The following COBLL1 variants were observed in gnomAD, a reference collection of about 807,000 sequenced individuals.
The protein encoded by COBLL1 is cordon-bleu protein-like 1.
A neutral mutation model predicts 94.8 loss-of-function variants in COBLL1; 50 were observed. The ratio of observed to expected loss-of-function variants is 0.53; its 90% CI spans 0.42 to 0.67. The LOEUF (loss-of-function observed/expected upper bound fraction) is 0.67. COBLL1 is among the 30% of genes least tolerant of loss of function. The pLI is 0.00. For synonymous variants in COBLL1, 448 were observed against 473.8 expected (o/e 0.95, Z 0.71); for missense variants, 1,362 against 1,348.7 (o/e 1.01, Z -0.15).
At chr2:164,765,428 G>A (rs1687882767) in intron 2 of COBLL1, among the ~76,000 whole-genome samples, 2 of 152,156 alleles carry the variant, frequency 1.3e-5, no homozygotes, top group Admixed American at 1.3e-4. Flanking sequence ...AACCCATATA[G>A]AATGAGAGAC....
chr2:164,671,497 A>G (rs1465283956), intron 1 of COBLL1, among the ~76,000 whole-genome samples: 1 of 152,160 alleles, frequency 6.6e-6, no homozygotes, highest in African/African-American at 2.4e-5. Flanking sequence ...TCCACAACAG[A>G]CTTGCTAATT....
intron 2 of COBLL1, chr2:164,837,483 C>A: frequency 2.2e-6 from 1 of 464,456 alleles, no homozygotes; most frequent in South Asian, 1.6e-5. Flanking sequence ...ACCAGTGTCT[C>A]CAACATTTTT....
intron 2 of COBLL1, among the ~76,000 whole-genome samples, chr2:164,768,415 G>A (rs1027962751): frequency 7.1e-6 from 1 of 140,454 alleles, no homozygotes; most frequent in Non-Finnish European, 1.5e-5. Flanking sequence ...AACATTATGA[G>A]ATTTTTTTTT....
At chr2:164,714,154 A>AACACAC (rs10563101) in intron 7 of COBLL1, among the ~76,000 whole-genome samples, 5,252 of 148,442 alleles carry the variant, frequency 0.035, 306 homozygotes, top group African/African-American at 0.12. Flanking sequence ...AATAGAAAGA[A>AACACAC]ACACACACAC....
At chr2:164,755,625 T>C (rs1687360355) in intron 2 of COBLL1, among the ~76,000 whole-genome samples, 1 of 152,166 alleles carries the variant, frequency 6.6e-6, no homozygotes. Context: ...TTTATTGTAA[T>C]TTAGTTGTCA....
At chr2:164,659,475 C>A (rs1208398212) in intron 2 of COBLL1, among the ~76,000 whole-genome samples, 2 of 152,204 alleles carry the variant, frequency 1.3e-5, no homozygotes, top group African/African-American at 4.8e-5. Context: ...AGTCGCAGCA[C>A]TGGCCCTTCA....
intron 2 of COBLL1, among the ~76,000 whole-genome samples, chr2:164,796,965 A>C (rs1683494578): frequency 6.6e-6 from 1 of 152,114 alleles, no homozygotes; most frequent in Non-Finnish European, 1.5e-5. Context: ...ACAGAACGAG[A>C]CCCTACCTCT....
chr2:164,675,002 A>G (rs1368689113), intron 1 of COBLL1, among the ~76,000 whole-genome samples: 4 of 152,114 alleles, frequency 2.6e-5, no homozygotes, highest in Admixed American at 1.3e-4. Flanking sequence ...TTTTATTCTT[A>G]TTTCTTTATG....
Position 164,801,476 on chromosome 2 carries a change from C to T in COBLL1, c.41+39680G>A, listed in dbSNP as rs566441650. ...AAAAAAAAAAAAAAAAAAAGCTTAG[C>T]TAAGTGTGGTGGCAACACACCTGTA... is the stretch of plus-strand genomic sequence containing the variant. On this transcript the variant is annotated intron_variant, in intron 2 of 13. Coordinates refer to ENST00000652658, the MANE Select transcript of COBLL1 (RefSeq NM_001365672.2). 1.0e-4 allele frequency among the ~76,000 whole-genome samples: 12 copies of T among 119,708 alleles called. No individual in the cohort carries two copies. The South Asian group carries it at 3.0e-3, about 30-fold the overall frequency. The allele number at this position is 119,708 out of a possible 152,430, so 78.5% of individuals were successfully genotyped here.
intron 2 of COBLL1, among the ~76,000 whole-genome samples, chr2:164,801,422 G>A (rs1168992193): frequency 8.7e-6 from 1 of 115,216 alleles, no homozygotes; most frequent in Admixed American, 1.2e-4. Flanking sequence ...CTGGGCGACA[G>A]AGCGAGACTC....
At chr2:164,770,018 G>C (rs1688131666) in intron 2 of COBLL1, among the ~76,000 whole-genome samples, 3 of 152,074 alleles carry the variant, frequency 2.0e-5, no homozygotes, top group Admixed American at 2.0e-4. Flanking sequence ...AATTTACTAA[G>C]GTACAATGTG....
chr2:164,668,573 G>A (rs767388354), intron 1 of COBLL1, among the ~76,000 whole-genome samples: 38 of 152,134 alleles, frequency 2.5e-4, no homozygotes, highest in Non-Finnish European at 5.3e-4. Flanking sequence ...TGGAAAAATC[G>A]CACTAATCAA....
At chr2:164,828,823 GTAATA>G (rs1682913601) in intron 2 of COBLL1, among the ~76,000 whole-genome samples, 1 of 152,186 alleles carries the variant, frequency 6.6e-6, no homozygotes, top group Admixed American at 6.5e-5. Flanking sequence ...CATGTGTCAT[GTAATA>G]TGTTACTTAC....
At chr2:164,661,437 C>G (rs1331109378) in intron 2 of COBLL1, among the ~76,000 whole-genome samples, 6 of 152,034 alleles carry the variant, frequency 3.9e-5, no homozygotes, top group African/African-American at 7.2e-5. Flanking sequence ...TAGTATTTTA[C>G]TTTGTTTATA....
chr2:164,659,154 T>C lies in COBLL1; in HGVS notation n.182-5240A>G, dbSNP rs144145931. On this transcript the variant is annotated intron_variant and non_coding_transcript_variant, in intron 2 of 2. Coordinates refer to the COBLL1 transcript ENST00000495084. ...GAGTCTGTATATATATTTACTCTTT[T>C]TCCTTCTCCTAATTCTAGTGCCCGA... 7.5e-3 allele frequency among the ~76,000 whole-genome samples: 1,141 copies of C among 152,284 alleles called. 8 individuals are homozygous for C. Among genetic ancestry groups the C allele is most frequent in the African/African-American group, 0.021 (879 of 41,558 alleles).
intron 2 of COBLL1, among the ~76,000 whole-genome samples, chr2:164,786,128 A>G (rs534797201): frequency 2.9e-4 from 44 of 152,356 alleles, no homozygotes; most frequent in Admixed American, 1.0e-3. Flanking sequence ...ATAGAAATGA[A>G]TTAAGAATAT....
intron 2 of COBLL1, among the ~76,000 whole-genome samples, chr2:164,793,405 A>G (rs989710179): frequency 2.0e-5 from 3 of 152,126 alleles, no homozygotes; most frequent in Non-Finnish European, 4.4e-5. Flanking sequence ...CTTTTACACA[A>G]ATCTCATAAA....
chr2:164,679,541 C>T (rs1309876010), downstream of COBLL1, among the ~76,000 whole-genome samples: 1 of 152,078 alleles, frequency 6.6e-6, no homozygotes, highest in Non-Finnish European at 1.5e-5. Context: ...TCAACCCCAG[C>T]ACCACCCTAG....
intron 2 of COBLL1, among the ~76,000 whole-genome samples, chr2:164,793,929 T>C (rs930397065): frequency 6.6e-6 from 1 of 152,204 alleles, no homozygotes; most frequent in Non-Finnish European, 1.5e-5. Context: ...GTGTATGTGT[T>C]TTAAAATTGT....
Sources: gnomAD v4.1 joint callset for allele counts (sites outside exome capture counted in the v4.1 genomes callset) on GRCh38, gnomAD v4.1.1 for gene constraint, MANE v1.5 for transcripts, NCBI Gene and HGNC (gene_info 2026-07-23, HGNC 2026-07-21) for gene names.